Variants in COMMD1 observed in about 807,000 individuals in gnomAD.
The protein encoded by COMMD1 is copper metabolism domain containing 1.
A neutral mutation model predicts 17.2 loss-of-function variants in COMMD1; 10 were observed. The observed-to-expected ratio is 0.58, with a 90% CI of 0.36 to 0.99. The LOEUF is 0.99. COMMD1 is among the 50% of genes least tolerant of loss of function. The pLI is 0.01. For synonymous variants in COMMD1, 97 were observed against 91.6 expected, an observed-to-expected ratio of 1.06 and a Z score of -0.34; for missense variants, 270 against 231.8, an observed-to-expected ratio of 1.17 and a Z score of -1.07.
intron 1 of COMMD1, among the ~76,000 whole-genome samples, chr2:61,891,111 T>C (rs1195927233): frequency 6.6e-6 from 1 of 152,214 alleles, no homozygotes; most frequent in Non-Finnish European, 1.5e-5. Context: ...GGTCTCATTT[T>C]CCTCATCTGT....
chr2:62,111,991 T>C (rs1351386918), intron 2 of COMMD1, among the ~76,000 whole-genome samples: 1 of 152,144 alleles, frequency 6.6e-6, no homozygotes, highest in African/African-American at 2.4e-5. Context: ...GAAGTCTACG[T>C]GGTAAGTTCT....
At chr2:61,992,846 A>AC (rs1468768026) in intron 1 of COMMD1, among the ~76,000 whole-genome samples, 1 of 152,168 alleles carries the variant, frequency 6.6e-6, no homozygotes, top group African/African-American at 2.4e-5. Flanking sequence ...TACATGCATA[A>AC]TATAGTTCTA....
At chr2:61,954,674 T>A (rs1411871323) in intron 1 of COMMD1, among the ~76,000 whole-genome samples, 2 of 149,872 alleles carry the variant, frequency 1.3e-5, no homozygotes, top group Non-Finnish European at 3.0e-5. Flanking sequence ...TATGCTTCAC[T>A]CTCTCTCTCT....
intron 1 of COMMD1, chr2:61,915,748 T>C: frequency 2.2e-6 from 1 of 450,694 alleles, no homozygotes; most frequent in Non-Finnish European, 4.5e-6. Context: ...CCTCTCTCTT[T>C]AGCCTCCCAA....
At chr2:62,126,087 C>T (rs1159423479) in intron 2 of COMMD1, among the ~76,000 whole-genome samples, 1 of 152,170 alleles carries the variant, frequency 6.6e-6, no homozygotes, top group Non-Finnish European at 1.5e-5. Flanking sequence ...GTGTACCCTG[C>T]AAAGGACATG....
At chr2:61,972,710 A>G (rs1442028315) in intron 1 of COMMD1, among the ~76,000 whole-genome samples, 3 of 152,232 alleles carry the variant, frequency 2.0e-5, no homozygotes, top group Non-Finnish European at 4.4e-5. Flanking sequence ...GGGACCTTCT[A>G]CAAAATACCT....
chr2:61,904,080 G>A (rs951417177), upstream of COMMD1, among the ~76,000 whole-genome samples: 6 of 151,596 alleles, frequency 4.0e-5, no homozygotes, highest in Non-Finnish European at 8.8e-5. Context: ...GCGTGATCTC[G>A]GCTCACTGCA....
intron 1 of COMMD1, among the ~76,000 whole-genome samples, chr2:61,972,130 C>A (rs13032415): frequency 4.0e-5 from 6 of 151,688 alleles, no homozygotes; most frequent in African/African-American, 1.5e-4. Context: ...AAAAAACAAA[C>A]AAAAAAACTG....
At chr2:62,114,187 A>G (rs1170811694) in intron 2 of COMMD1, among the ~76,000 whole-genome samples, 2 of 152,226 alleles carry the variant, frequency 1.3e-5, no homozygotes, top group Non-Finnish European at 2.9e-5. Flanking sequence ...ATTTGATCCC[A>G]AATCTCGAGG....
chr2:61,961,468 C>T (rs747404732), intron 1 of COMMD1, among the ~76,000 whole-genome samples: 1 of 152,068 alleles, frequency 6.6e-6, no homozygotes, highest in East Asian at 1.9e-4. Flanking sequence ...TCTGTCCAGG[C>T]GTGCCAGAGC....
chr2:62,042,353 C>T (rs1670240026), intron 2 of COMMD1, among the ~76,000 whole-genome samples: 1 of 152,138 alleles, frequency 6.6e-6, no homozygotes, highest in Admixed American at 6.5e-5. Flanking sequence ...ATTTACAATT[C>T]TTTAGCTAGA....
chr2:61,912,646 A>G (rs377040441), intron 1 of COMMD1, among the ~76,000 whole-genome samples: 30 of 151,718 alleles, frequency 2.0e-4, no homozygotes, highest in Admixed American at 3.3e-4. Context: ...GAGGCAGGAG[A>G]ATTGCTTGAA....
chr2:61,984,530 T>C (rs1295929791), intron 1 of COMMD1, among the ~76,000 whole-genome samples: 1 of 152,246 alleles, frequency 6.6e-6, no homozygotes, highest in Non-Finnish European at 1.5e-5. Flanking sequence ...ATACTTAATA[T>C]TATTTCAATT....
chr2:62,038,082 A>G (rs1670086738), intron 2 of COMMD1, among the ~76,000 whole-genome samples: 1 of 152,162 alleles, frequency 6.6e-6, no homozygotes, highest in Non-Finnish European at 1.5e-5. Flanking sequence ...TGAGGTTAGG[A>G]GTTCAAGACC....
At chr2:62,091,383 G>A (rs1240605518) in intron 2 of COMMD1, among the ~76,000 whole-genome samples, 1 of 152,338 alleles carries the variant, frequency 6.6e-6, no homozygotes, top group African/African-American at 2.4e-5. Context: ...AACTCCTCCA[G>A]TGAGGTCACA....
intron 2 of COMMD1, among the ~76,000 whole-genome samples, chr2:62,133,132 G>A (rs1260395515): frequency 1.3e-5 from 2 of 152,196 alleles, no homozygotes; most frequent in Non-Finnish European, 2.9e-5. Context: ...ACATGTTTGA[G>A]GACAGGACTC....
chr2:61,915,767 A>T, intron 1 of COMMD1: 1 of 446,458 alleles, frequency 2.2e-6, no homozygotes, highest in Non-Finnish European at 4.5e-6. Flanking sequence ...AATTGCTGGG[A>T]TTACAGGTAT....
chr2:61,990,872 C>A (rs1672227582), intron 1 of COMMD1, among the ~76,000 whole-genome samples: 1 of 116,142 alleles, frequency 8.6e-6, no homozygotes. Flanking sequence ...ATCACTCTGT[C>A]TTTACAAAAA....
At chr2:62,100,222 G>A (rs1036560409) in intron 2 of COMMD1, 9 of 152,202 alleles carry the variant, frequency 5.9e-5, no homozygotes, top group Non-Finnish European at 1.2e-4. Context: ...AACTTGGTGA[G>A]GTTTCACTGG....
Sources: gnomAD v4.1 joint callset for allele counts (sites outside exome capture counted in the v4.1 genomes callset) on GRCh38, gnomAD v4.1.1 for gene constraint, MANE v1.5 for transcripts, NCBI Gene and HGNC (gene_info 2026-07-23, HGNC 2026-07-21) for gene names.